Variants in MYOF observed in about 807,000 individuals in gnomAD.
The protein encoded by MYOF is myoferlin.
In MYOF, 244 loss-of-function variants were observed where a neutral mutation model predicts 284.2. That is an observed-to-expected ratio of 0.86 (90% CI 0.77 to 0.95). The LOEUF (loss-of-function observed/expected upper bound fraction) is 0.95. Ranked by LOEUF, MYOF falls within the 40% of genes least tolerant of loss-of-function variation. The probability of loss-of-function intolerance (pLI) is 0.00; values close to 1 mark genes in which losing one functional copy is unlikely to be tolerated. For synonymous variants in MYOF, 904 were observed against 919.7 expected, an observed-to-expected ratio of 0.98 and a Z score of 0.31; for missense variants, 2,496 against 2,560.6, an observed-to-expected ratio of 0.97 and a Z score of 0.54.
intron 1 of MYOF, among the ~76,000 whole-genome samples, chr10:93,479,745 G>A (rs1045978530): frequency 2.0e-5 from 3 of 152,176 alleles, no homozygotes; most frequent in Non-Finnish European, 4.4e-5. Flanking sequence ...ACTCTGAGTT[G>A]AGTGCCCTTT....
chr10:93,313,049 C>T lies in MYOF; in HGVS notation c.5860G>A (p.Ala1954Thr), dbSNP rs377745370. ...KSMKGWWPCY[A>T]EKDGARVMAG... ...ATTACGCGGGCGCCATCTTTCTCTG[C>T]GTAGCATGGCCACCATCCTTTCATG... Residue 1954 changes from alanine to threonine, a missense_variant, in exon 51 of 54, where the codon GCA becomes ACA. Ala to Thr is a moderately conservative substitution (Grantham distance 58). Around this residue, in one of 3 missense-constraint regions of MYOF, gnomAD observed 2,436 missense variants for 2,480.7 expected, o/e 0.98. Transcript: ENST00000359263. The T allele has an allele frequency of 6.3e-5, 102 of 1,613,080 alleles. No homozygotes were observed. Among genetic ancestry groups the T allele is most frequent in the African/African-American group, 1.5e-4 (11 of 74,902 alleles).
At chr10:93,409,863 A>ATAC in intron 5 of MYOF, 124 bp from the exon 6 acceptor site, 1 of 1,184,390 alleles carries the variant, frequency 8.4e-7, no homozygotes, top group Non-Finnish European at 1.2e-6. Flanking sequence ...GTGGCAGGTG[A>ATAC]AGGAGATCCT....
chr10:93,475,792 G>A (rs983882381), intron 1 of MYOF, among the ~76,000 whole-genome samples: 2 of 152,190 alleles, frequency 1.3e-5, no homozygotes, highest in Admixed American at 1.3e-4. Flanking sequence ...GCACCCCTAA[G>A]CTGAGGGCAC....
intron 31 of MYOF, among the ~76,000 whole-genome samples, chr10:93,354,179 C>G (rs1257037855): frequency 6.6e-6 from 1 of 152,096 alleles, no homozygotes; most frequent in African/African-American, 2.4e-5. Context: ...GTTAGGAGAC[C>G]AGCCTGGTCA....
intron 5 of MYOF, among the ~76,000 whole-genome samples, chr10:93,417,651 C>A (rs902341673): frequency 6.6e-6 from 1 of 152,030 alleles, no homozygotes; most frequent in East Asian, 1.9e-4. Context: ...CAGATGTCAC[C>A]AGAGCTGCAG....
chr10:93,383,797 A>G (rs1384143190), intron 19 of MYOF, among the ~76,000 whole-genome samples: 1 of 152,196 alleles, frequency 6.6e-6, no homozygotes, highest in Non-Finnish European at 1.5e-5. Flanking sequence ...AGCCAGAGCC[A>G]TCTGTTAAGC....
intron 39 of MYOF, 119 bp from the exon 40 acceptor site, chr10:93,338,032 G>T: frequency 8.2e-6 from 6 of 733,278 alleles, no homozygotes; most frequent in Non-Finnish European, 4.7e-6. Context: ...TTAAAAGTGA[G>T]ATTATATGAC....
At chr10:93,367,334 G>T (rs559300156) in intron 25 of MYOF, among the ~76,000 whole-genome samples, 3 of 152,196 alleles carry the variant, frequency 2.0e-5, no homozygotes. Flanking sequence ...ATCCAAACTA[G>T]AATTTCCAAT....
At chr10:93,425,583 T>C (rs1015487091) in intron 5 of MYOF, among the ~76,000 whole-genome samples, 5 of 152,000 alleles carry the variant, frequency 3.3e-5, no homozygotes, top group Admixed American at 2.0e-4. Context: ...TGGGGCTGTT[T>C]GGGGACAAGA....
intron 1 of MYOF, among the ~76,000 whole-genome samples, chr10:93,464,226 A>G (rs1349779831): frequency 6.6e-6 from 1 of 152,230 alleles, no homozygotes; most frequent in Non-Finnish European, 1.5e-5. Context: ...TGTGGAATTC[A>G]GACTAGAGAT....
rs1258247166 is a variant in MYOF at position 93,379,962 on chromosome 10, C to T, written c.1902G>A (p.Trp634Ter). 1 of 1,613,774 alleles carries T rather than the reference C, an allele frequency of 6.2e-7. No homozygotes were observed. The highest frequency in any genetic ancestry group is 8.5e-7 in the Non-Finnish European group (1 of 1,179,824). Residue 634 changes from tryptophan (W) to a stop codon, truncating the protein, a stop_gained, in exon 21 of 54, where the codon TGG becomes TGA. Coordinates refer to ENST00000359263, the MANE Select transcript of MYOF (RefSeq NM_013451.4). LOFTEE classifies it high-confidence loss of function. The part of the protein sequence containing the change: ...FDGNYYYYLP[W>*]AHTKPVVTLT... ...GGGTAACAACTGGCTTGGTGTGGGCCCAAGGCAAGTAATAATAGTAGTTGC... is the reference window on the plus strand; with the variant it reads ...GGGTAACAACTGGCTTGGTGTGGGCTCAAGGCAAGTAATAATAGTAGTTGC...
intron 39 of MYOF, among the ~76,000 whole-genome samples, chr10:93,339,013 C>CT (rs59509598): frequency 0.26 from 33,771 of 131,110 alleles, 6,047 homozygotes; most frequent in East Asian, 0.87. Context: ...AAGGCTACCA[C>CT]TTTTTTTTTT....
At chr10:93,460,224 C>T (rs2056841699) in intron 1 of MYOF, among the ~76,000 whole-genome samples, 1 of 152,074 alleles carries the variant, frequency 6.6e-6, no homozygotes, top group African/African-American at 2.4e-5. Context: ...GAAACAAGTC[C>T]CAAGCCTGGT....
At chr10:93,445,511 G>A (rs377254952) in intron 3 of MYOF, among the ~76,000 whole-genome samples, 35 of 152,220 alleles carry the variant, frequency 2.3e-4, no homozygotes, top group Non-Finnish European at 3.2e-4. Context: ...GTGACCAAGA[G>A]GCTCCTCTGT....
chr10:93,402,395 T>A (rs1369458203), intron 10 of MYOF, 48 bp from the exon 11 acceptor site: 10 of 1,425,312 alleles, frequency 7.0e-6, no homozygotes, highest in Non-Finnish European at 9.9e-6. Flanking sequence ...AAAAAGGTAC[T>A]GATAAGTCTG....
At chr10:93,425,060 T>TC (rs2134188138) in intron 5 of MYOF, among the ~76,000 whole-genome samples, 1 of 146,176 alleles carries the variant, frequency 6.8e-6, no homozygotes, top group South Asian at 2.3e-4. Flanking sequence ...TGTCTCAGCC[T>TC]CCCGAGTAGC....
Position 93,477,089 on chromosome 10 carries a change from C to G in MYOF, c.88+5018G>C, listed in dbSNP as rs2057279684. Among the ~76,000 whole-genome samples the G allele has an allele frequency of 2.0e-5, 3 of 152,126 alleles. No individual in the cohort carries two copies. The South Asian group carries it at 6.2e-4, about 32-fold the overall frequency. On this transcript the variant is annotated intron_variant, in intron 1 of 53. Transcript: ENST00000359263. ...AAAGGCACAATAATATAAAAGTATGCAAGAAAACCTCCGCTCAATCACCTT... is the reference window on the plus strand; with the variant it reads ...AAAGGCACAATAATATAAAAGTATGGAAGAAAACCTCCGCTCAATCACCTT...
intron 1 of MYOF, among the ~76,000 whole-genome samples, chr10:93,472,216 A>G (rs1388187322): frequency 6.6e-6 from 1 of 152,252 alleles, no homozygotes; most frequent in Non-Finnish European, 1.5e-5. Flanking sequence ...CTAAGAACCT[A>G]CTATGCCCAC....
chr10:93,458,283 GT>G (rs2056792482), intron 1 of MYOF, among the ~76,000 whole-genome samples: 1 of 152,040 alleles, frequency 6.6e-6, no homozygotes, highest in South Asian at 2.1e-4. Flanking sequence ...AGCCCAGGAG[GT>G]CAAGGCTGCA....
Sources: gnomAD v4.1 joint callset for allele counts (sites outside exome capture counted in the v4.1 genomes callset) on GRCh38, gnomAD v4.1.1 for gene constraint, gnomAD v4.1.1 regional missense constraint, MANE v1.5 for transcripts, NCBI Gene and HGNC (gene_info 2026-07-23, HGNC 2026-07-21) for gene names.